Variants in SLC13A3 observed in about 807,000 individuals in gnomAD.
SLC13A3 encodes the protein solute carrier family 13 member 3.
In SLC13A3, 40 loss-of-function variants were observed where a neutral mutation model predicts 59.0. The observed-to-expected ratio is 0.68, with a 90% confidence interval of 0.53 to 0.88. SLC13A3 has a LOEUF of 0.88. Ranked by LOEUF, SLC13A3 falls within the 40% of genes least tolerant of loss-of-function variation. The probability of loss-of-function intolerance (pLI) is 0.00; values close to 1 mark genes in which losing one functional copy is unlikely to be tolerated. For missense variants in SLC13A3, 699 were observed against 783.2 expected, an observed-to-expected ratio of 0.89 and a Z score of 1.28; for synonymous variants, 317 against 330.3, an observed-to-expected ratio of 0.96 and a Z score of 0.44.
At chr20:46,571,434 T>C (rs531912814) in intron 10 of SLC13A3, among the ~76,000 whole-genome samples, 6 of 152,278 alleles carry the variant, frequency 3.9e-5, no homozygotes, top group Middle Eastern at 3.4e-3. Flanking sequence ...GTAATAATAA[T>C]AGTGAAGATG....
chr20:46,596,450 G>T, intron 4 of SLC13A3, 108 bp from the exon 5 acceptor site: 1 of 984,262 alleles, frequency 1.0e-6, no homozygotes, highest in Non-Finnish European at 1.5e-6. Flanking sequence ...ATTTGGCACA[G>T]GTATCAAAAA....
At chr20:46,659,719 C>G (rs573085130) in intron 1 of SLC13A3, among the ~76,000 whole-genome samples, 13 of 148,728 alleles carry the variant, frequency 8.7e-5, no homozygotes, top group East Asian at 3.9e-4. Context: ...CTATCCCCCC[C>G]CCCCAAAAAA....
At chr20:46,585,581 C>A in intron 8 of SLC13A3, 1 of 1,120,146 alleles carries the variant, frequency 8.9e-7, no homozygotes, top group Non-Finnish European at 1.1e-6. Context: ...CAAGTCTTGA[C>A]AAATGTATGC....
chr20:46,682,223 G>A (rs967845802), intron 1 of SLC13A3: 1 of 152,218 alleles, frequency 6.6e-6, no homozygotes, highest in African/African-American at 2.4e-5. Context: ...TATCGCCCAC[G>A]GGCCGACTGT....
At chr20:46,590,601 TACTGTTCATAAAATAA>T (rs1291796206) in intron 6 of SLC13A3, among the ~76,000 whole-genome samples, 4 of 152,126 alleles carry the variant, frequency 2.6e-5, no homozygotes, top group Admixed American at 2.0e-4. Context: ...TGCCCAAAAT[TACTGTTCATAAAATAA>T]ACACAAGTTA....
At chr20:46,576,428 C>T (rs1466408317) in intron 9 of SLC13A3, among the ~76,000 whole-genome samples, 1 of 152,154 alleles carries the variant, frequency 6.6e-6, no homozygotes, top group East Asian at 1.9e-4. Flanking sequence ...ACTGCATGCC[C>T]TTGACAAGTG....
intron 12 of SLC13A3, among the ~76,000 whole-genome samples, chr20:46,561,738 C>T (rs1470021469): frequency 4.0e-5 from 6 of 151,282 alleles, no homozygotes; most frequent in South Asian, 2.1e-4. Flanking sequence ...GGACATACTG[C>T]GTGTGCTGTC....
intron 10 of SLC13A3, among the ~76,000 whole-genome samples, chr20:46,567,844 T>C (rs2061994026): frequency 6.6e-6 from 1 of 152,206 alleles, no homozygotes; most frequent in Non-Finnish European, 1.5e-5. Flanking sequence ...TGCTCAATGC[T>C]GTCCCCTGGT....
intron 1 of SLC13A3, among the ~76,000 whole-genome samples, chr20:46,645,883 T>A (rs2062889838): frequency 1.3e-5 from 2 of 152,332 alleles, no homozygotes; most frequent in South Asian, 4.2e-4. Flanking sequence ...GCATTTAAGT[T>A]TTTTTAAAAG....
intron 3 of SLC13A3, among the ~76,000 whole-genome samples, chr20:46,609,268 T>C (rs1712347094): frequency 6.6e-6 from 1 of 152,250 alleles, no homozygotes; most frequent in Non-Finnish European, 1.5e-5. Context: ...TGCCTCTGAA[T>C]TGATCCTGGA....
chr20:46,655,870 A>G (rs1393429066), upstream of SLC13A3, among the ~76,000 whole-genome samples: 1 of 143,490 alleles, frequency 7.0e-6, no homozygotes, highest in Non-Finnish European at 1.5e-5. Flanking sequence ...TATACTGTAC[A>G]GTATATATTA....
At chr20:46,610,118 T>C (rs1253806559) in intron 3 of SLC13A3, among the ~76,000 whole-genome samples, 2 of 152,236 alleles carry the variant, frequency 1.3e-5, no homozygotes, top group Non-Finnish European at 2.9e-5. Flanking sequence ...CTGGTGATGC[T>C]GAGCATCTCT....
Position 46,592,510 on chromosome 20 carries a change from C to T in SLC13A3, c.814G>A (p.Val272Met), listed in dbSNP as rs763685326. Residue 272 changes from valine (V) to methionine (M), a missense_variant, in exon 6 of 13, where the codon GTG becomes ATG. Val to Met is a conservative substitution (Grantham distance 21). Coordinates refer to ENST00000279027, the MANE Select transcript of SLC13A3 (RefSeq NM_022829.6). ...ATGAACCAGGAGCCGAAATTCACCA[C>T]GTCACACTGCGGAAAGAAACTGGAG... The part of the protein sequence containing the change: ...QLKSFFPQCD[V>M]VNFGSWFIFA... The T allele has an allele frequency of 2.5e-5, 40 of 1,613,604 alleles. No individual in the cohort carries two copies. In the East Asian group the frequency reaches 3.6e-4, roughly 14 times the overall value.
intron 1 of SLC13A3, among the ~76,000 whole-genome samples, chr20:46,682,857 A>G (rs1047152578): frequency 6.6e-6 from 1 of 152,196 alleles, no homozygotes; most frequent in African/African-American, 2.4e-5. Flanking sequence ...TCAGCACTGC[A>G]AAGCACCTGC....
chr20:46,678,452 G>A (rs866976069), intron 1 of SLC13A3, among the ~76,000 whole-genome samples: 1 of 152,170 alleles, frequency 6.6e-6, no homozygotes, highest in Non-Finnish European at 1.5e-5. Context: ...TCCAGAAAGT[G>A]AGGTCTGAGG....
chr20:46,589,337 C>T, intron 6 of SLC13A3, 82 bp from the exon 7 acceptor site: 1 of 1,090,808 alleles, frequency 9.2e-7, no homozygotes, highest in Non-Finnish European at 1.4e-6. Context: ...ACCACCTGAC[C>T]AAGCCACATC....
chr20:46,586,159 C>T (rs947831323), intron 8 of SLC13A3, among the ~76,000 whole-genome samples: 2 of 152,178 alleles, frequency 1.3e-5, no homozygotes, highest in Non-Finnish European at 2.9e-5. Flanking sequence ...ATTTAAAATA[C>T]ATATGTGGCT....
chr20:46,620,219 T>C (rs1356782056), intron 1 of SLC13A3, among the ~76,000 whole-genome samples: 2 of 152,202 alleles, frequency 1.3e-5, no homozygotes, highest in East Asian at 3.8e-4. Context: ...AACAACCTTA[T>C]GAAAGGAAGG....
chr20:46,681,513 GA>G (rs112396634), intron 1 of SLC13A3, among the ~76,000 whole-genome samples: 15,239 of 152,040 alleles, frequency 0.1, 1,386 homozygotes, highest in African/African-American at 0.24. Context: ...TTCGCACCAA[GA>G]ATGACAGTAA....
Sources: gnomAD v4.1 joint callset for allele counts (sites outside exome capture counted in the v4.1 genomes callset) on GRCh38, gnomAD v4.1.1 for gene constraint, MANE v1.5 for transcripts, NCBI Gene and HGNC (gene_info 2026-07-23, HGNC 2026-07-21) for gene names.